The following BST1 variants were observed in gnomAD, a reference collection of about 807,000 sequenced individuals.
BST1 encodes ADP-ribosyl cyclase/cyclic ADP-ribose hydrolase 2.
BST1 carries 49 observed loss-of-function variants against 40.6 expected under a neutral mutation model. That is an observed-to-expected ratio of 1.21 (90% confidence interval 0.96 to 1.53). BST1 has a LOEUF of 1.53. Among genes scored for constraint, BST1 ranks in the 40% most tolerant of loss-of-function variants. BST1 has a pLI of 0.00. For missense variants in BST1, 423 were observed against 395.9 expected, an observed-to-expected ratio of 1.07 and a Z score of -0.58; for synonymous variants, 157 against 159.3, an observed-to-expected ratio of 0.99 and a Z score of 0.11.
the BST1 span, among the ~76,000 whole-genome samples, chr4:15,769,772 TGTTAGTG>T: frequency 6.6e-6 from 1 of 152,170 alleles, no homozygotes. Context: ...ACTACCAAAA[TGTTAGTG>T]GTAGTTGGGC....
intron 7 of BST1, 142 bp downstream of exon 7, chr4:15,719,135 G>A: frequency 1.5e-6 from 1 of 645,626 alleles, no homozygotes; most frequent in Non-Finnish European, 2.6e-6. Flanking sequence ...GAGGCAAGGA[G>A]CACTTTCTGG....
chr4:15,724,523 C>T (rs887998015), intron 8 of BST1, among the ~76,000 whole-genome samples: 3 of 151,878 alleles, frequency 2.0e-5, no homozygotes, highest in African/African-American at 4.8e-5. Flanking sequence ...CCCATCTCTA[C>T]TAAATACAAA....
chr4:15,722,509 C>T (rs1047177524), intron 7 of BST1, among the ~76,000 whole-genome samples: 1 of 151,964 alleles, frequency 6.6e-6, no homozygotes, highest in Non-Finnish European at 1.5e-5. Context: ...CTCACTGCAG[C>T]CTTGAACTCC....
At chr4:15,711,509 G>A (rs571547958) in intron 3 of BST1, among the ~76,000 whole-genome samples, 4 of 152,274 alleles carry the variant, frequency 2.6e-5, no homozygotes, top group East Asian at 3.9e-4. Flanking sequence ...AAATAACCCA[G>A]CTAATACACT....
At position 15,712,811 on chromosome 4, in the gene BST1, C is replaced by T. The variant is rs1188855499; in HGVS notation, c.534+922C>T. On this transcript the variant is annotated intron_variant, in intron 4 of 8. Transcript: ENST00000265016. ...AGAGAGCACCATTTGCTCCCACTACCTGTAGGTTTCATCTTGAGCACAGAC... is the reference window on the plus strand; with the variant it reads ...AGAGAGCACCATTTGCTCCCACTACTTGTAGGTTTCATCTTGAGCACAGAC... Among the ~76,000 whole-genome samples the T allele has an allele frequency of 2.6e-5, 4 of 152,216 alleles. No homozygotes were observed. The East Asian group carries it at 7.7e-4, about 29-fold the overall frequency.
At chr4:15,747,501 G>C in the BST1 span, among the ~76,000 whole-genome samples, 1 of 152,108 alleles carries the variant, frequency 6.6e-6, no homozygotes, top group Non-Finnish European at 1.5e-5. Flanking sequence ...CGTGAAGCCA[G>C]TACCCCCATC....
the BST1 span, among the ~76,000 whole-genome samples, chr4:15,767,568 G>A: frequency 6.6e-6 from 1 of 151,298 alleles, no homozygotes; most frequent in Non-Finnish European, 1.5e-5. Context: ...TTTCCAAAGT[G>A]CTGGGGTTAC....
chr4:15,745,506 G>C, the BST1 span, among the ~76,000 whole-genome samples: 33 of 152,078 alleles, frequency 2.2e-4, no homozygotes, highest in Admixed American at 8.5e-4. Context: ...TAAAATCATG[G>C]TTTCTTCCAG....
chr4:15,715,086 G>A (rs941610451), intron 4 of BST1, among the ~76,000 whole-genome samples, 199 bp from the exon 5 acceptor site: 10 of 152,156 alleles, frequency 6.6e-5, no homozygotes, highest in African/African-American at 2.4e-4. Context: ...ATGGATTACT[G>A]AGTCTATGAG....
At chr4:15,772,706 C>T in the BST1 span, among the ~76,000 whole-genome samples, 1 of 152,150 alleles carries the variant, frequency 6.6e-6, no homozygotes, top group African/African-American at 2.4e-5. Flanking sequence ...AGCTTGGGAG[C>T]TGAGTGGGGT....
At chr4:15,772,557 C>G in the BST1 span, among the ~76,000 whole-genome samples, 1 of 152,212 alleles carries the variant, frequency 6.6e-6, no homozygotes, top group Non-Finnish European at 1.5e-5. Context: ...AGGGGACACC[C>G]AGAAGAAATT....
chr4:15,731,955 C>T lies in BST1; in HGVS notation c.*110C>T. On this transcript the variant is annotated 3_prime_UTR_variant, in exon 9 of 9. Coordinates refer to ENST00000265016, the MANE Select transcript of BST1 (RefSeq NM_004334.3). ...TTCTGTTATCTAAAGAAGCTTTTTG[C>T]TGGGAAAACGATGTCCTGAAAATGG... The T allele has an allele frequency of 7.2e-7, 1 of 1,392,102 alleles. No individual in the cohort carries two copies. The highest frequency in any genetic ancestry group is 3.2e-5 in the Admixed American group (1 of 31,110). 86.2% of individuals were successfully genotyped at this position (1,392,102 alleles called of 1,614,324 possible).
chr4:15,728,727 C>A (rs1721242306), intron 8 of BST1, among the ~76,000 whole-genome samples: 1 of 151,156 alleles, frequency 6.6e-6, no homozygotes, highest in Non-Finnish European at 1.5e-5. Flanking sequence ...ATCACTGCAG[C>A]CTCCACCTCC....
rs1266595376 is a variant in BST1, at chr4:15,713,807, G to A, written c.535-1478G>A. Among the ~76,000 whole-genome samples, 5 of 151,818 alleles carry A rather than the reference G, an allele frequency of 3.3e-5. No homozygotes were observed. The South Asian group carries it at 6.3e-4, about 19-fold the overall frequency. ...CAACCTCCACCTCCTAGGTTCAAGC[G>A]ATTCTCACACCTCAGCCTCCCGAGT... On this transcript the variant is annotated intron_variant, in intron 4 of 8. Coordinates refer to ENST00000265016, the MANE Select transcript of BST1 (RefSeq NM_004334.3).
Position 15,732,118 on chromosome 4 carries a change from G to A in BST1, c.*273G>A. 1 of 1,171,500 alleles carries A rather than the reference G, an allele frequency of 8.5e-7. No individual in the cohort carries two copies. The highest frequency in any genetic ancestry group is 4.3e-5 in the Admixed American group (1 of 23,194). The allele number at this position is 1,171,500 out of a possible 1,614,324, so 72.6% of individuals were successfully genotyped here. A position where few individuals can be genotyped will look rare whatever the true frequency, so the allele number is the denominator to read the frequency against. ...GACACAAAGCATTGGGAGTCAGACT[G>A]CTTGTATATTATCAAACATTTTAAG... On this transcript the variant is annotated 3_prime_UTR_variant, in exon 9 of 9. Transcript: ENST00000265016.
the BST1 span, among the ~76,000 whole-genome samples, chr4:15,748,263 G>A: frequency 3.9e-5 from 6 of 152,182 alleles, no homozygotes; most frequent in Non-Finnish European, 5.9e-5. Context: ...ATAAGGGACA[G>A]TATTTCCCAG....
the BST1 span, among the ~76,000 whole-genome samples, chr4:15,768,643 G>A: frequency 6.6e-6 from 1 of 151,896 alleles, no homozygotes; most frequent in Non-Finnish European, 1.5e-5. Flanking sequence ...ACAGGCGCCC[G>A]CCACCGCGCC....
chr4:15,714,707 G>A (rs536666663), intron 4 of BST1, among the ~76,000 whole-genome samples: 2 of 152,316 alleles, frequency 1.3e-5, no homozygotes, highest in South Asian at 4.1e-4. Flanking sequence ...TTTCTGGCTT[G>A]TCTTCTGAGC....
chr4:15,707,426 G>T, intron 2 of BST1, 85 bp from the exon 3 acceptor site: 1 of 1,545,152 alleles, frequency 6.5e-7, no homozygotes, highest in South Asian at 1.1e-5. Context: ...GAACTGGATT[G>T]CCCAACTTGC....
Sources: allele counts gnomAD v4.1 joint callset (sites outside exome capture counted in the v4.1 genomes callset), GRCh38; gene constraint gnomAD v4.1.1; transcripts MANE v1.5; gene names NCBI Gene and HGNC (gene_info 2026-07-23, HGNC 2026-07-21).